The following SH3RF3 variants were observed in gnomAD, a reference collection of about 807,000 sequenced individuals.
The protein encoded by SH3RF3 is SH3 domain containing ring finger 3, also known as E3 ubiquitin-protein ligase SH3RF3.
SH3RF3 carries 29 observed loss-of-function variants against 66.3 expected under a neutral mutation model. The ratio of observed to expected loss-of-function variants is 0.44; its 90% CI spans 0.33 to 0.60. SH3RF3 has a LOEUF of 0.60. Among genes scored for constraint, SH3RF3 ranks in the 20% least tolerant of loss-of-function variants. The probability of loss-of-function intolerance (pLI) is 0.04; values close to 1 mark genes in which losing one functional copy is unlikely to be tolerated. For missense variants in SH3RF3, 1,194 were observed against 1,190.9 expected (o/e 1.00, Z -0.04); for synonymous variants, 583 against 532.0 (o/e 1.10, Z -1.32).
At chr2:109,266,766 A>C (rs566377706) in intron 1 of SH3RF3, among the ~76,000 whole-genome samples, 8 of 152,118 alleles carry the variant, frequency 5.3e-5, no homozygotes, top group Non-Finnish European at 5.9e-5. Flanking sequence ...AACAAGAGAC[A>C]GGGGTGAGCG....
chr2:109,168,880 T>A (rs954839451), intron 1 of SH3RF3, among the ~76,000 whole-genome samples: 27 of 152,252 alleles, frequency 1.8e-4, no homozygotes, highest in Non-Finnish European at 2.8e-4. Flanking sequence ...GAACGCTGCA[T>A]GCTGGCCTGT....
chr2:109,320,257 G>A (rs968601763), intron 1 of SH3RF3, among the ~76,000 whole-genome samples: 2 of 152,256 alleles, frequency 1.3e-5, no homozygotes, highest in African/African-American at 2.4e-5. Flanking sequence ...AGAGGAGGGC[G>A]GTGGGAATGA....
At chr2:109,450,453 C>T (rs1677836052) in intron 8 of SH3RF3, among the ~76,000 whole-genome samples, 1 of 152,150 alleles carries the variant, frequency 6.6e-6, no homozygotes, top group Non-Finnish European at 1.5e-5. Context: ...ACTTCTAAAT[C>T]AGTGCTGTCC....
chr2:109,329,122 G>T (rs947486546), intron 1 of SH3RF3, among the ~76,000 whole-genome samples: 6 of 152,106 alleles, frequency 3.9e-5, no homozygotes, highest in Admixed American at 2.6e-4. Flanking sequence ...ATCTCCAAAT[G>T]TTCCCCTCTC....
Position 109,129,474 on chromosome 2 carries a change from G to C in SH3RF3, c.-67G>C. 8 of 1,493,508 alleles carry C rather than the reference G, an allele frequency of 5.4e-6. No individual in the cohort carries two copies. Among genetic ancestry groups the C allele is most frequent in the Non-Finnish European group, 7.1e-6 (8 of 1,127,426 alleles). The allele number at this position is 1,493,508 out of a possible 1,614,324, so 92.5% of individuals were successfully genotyped here. ...CTCCCCAGTCCTGATGCTGGCTGCC[G>C]GTGGCGGGCTCCACGCCGGCCCCGG... On this transcript the variant is annotated 5_prime_UTR_variant, in exon 1 of 10. Coordinates refer to ENST00000309415, the MANE Select transcript of SH3RF3 (RefSeq NM_001099289.3).
intron 8 of SH3RF3, among the ~76,000 whole-genome samples, chr2:109,461,203 T>C (rs1254030418): frequency 6.6e-6 from 1 of 152,248 alleles, no homozygotes; most frequent in African/African-American, 2.4e-5. Flanking sequence ...CCCAGCTTTA[T>C]GCTTGGTGGG....
At chr2:109,203,607 C>G (rs1431377161) in intron 1 of SH3RF3, among the ~76,000 whole-genome samples, 1 of 152,140 alleles carries the variant, frequency 6.6e-6, no homozygotes, top group Non-Finnish European at 1.5e-5. Context: ...CTCCACTTTC[C>G]CTTTGCACGA....
rs114433428 is a variant in SH3RF3 at position 109,355,304 on chromosome 2, G to T, written c.849+7355G>T. Among the ~76,000 whole-genome samples, 1,185 of 152,296 alleles carry T rather than the reference G, an allele frequency of 7.8e-3. 16 individuals carry two copies. Among genetic ancestry groups the T allele is most frequent in the African/African-American group, 0.027 (1,132 of 41,568 alleles). Reference sequence around the variant, plus strand: ...CTTGAATGCTGGCATATTGGCCCAGGAACTTGTCTGCTTCATCTGACTCTT... The same window carrying T: ...CTTGAATGCTGGCATATTGGCCCAGTAACTTGTCTGCTTCATCTGACTCTT... On this transcript the variant is annotated intron_variant, in intron 2 of 9. Transcript: ENST00000309415.
chr2:109,280,340 C>A (rs1459424528), intron 1 of SH3RF3, among the ~76,000 whole-genome samples: 2 of 152,200 alleles, frequency 1.3e-5, no homozygotes, highest in African/African-American at 4.8e-5. Context: ...GCCCCACAGC[C>A]AGCCAGTGGC....
At chr2:109,353,992 T>G (rs1682894145) in intron 2 of SH3RF3, among the ~76,000 whole-genome samples, 1 of 152,024 alleles carries the variant, frequency 6.6e-6, no homozygotes, top group Admixed American at 6.5e-5. Flanking sequence ...CCCCCCGAAG[T>G]CTCAGTGACA....
intron 2 of SH3RF3, among the ~76,000 whole-genome samples, chr2:109,369,340 T>C (rs1025128412): frequency 6.6e-6 from 1 of 152,052 alleles, no homozygotes; most frequent in East Asian, 1.9e-4. Context: ...AGCACAAGAC[T>C]CCGTCTAAAA....
rs1676211620 is a variant in SH3RF3 at position 109,398,463 on chromosome 2, C to T, written c.946-127C>T. ...CCCACCAGCCTCTTCTGTGTTTTCC[C>T]TGCAGTCTGACGGATTTGAATGCAT... On this transcript the variant is annotated intron_variant, in intron 3 of 9. Transcript: ENST00000309415. 4.6e-6 allele frequency: 4 copies of T among 873,996 alleles called. No individual in the cohort carries two copies. In the African/African-American group the frequency reaches 5.0e-5, roughly 11 times the overall value. 54.1% of individuals were successfully genotyped at this position (873,996 alleles called of 1,614,324 possible).
At chr2:109,343,605 C>T (rs1029922870) in intron 1 of SH3RF3, among the ~76,000 whole-genome samples, 7 of 152,134 alleles carry the variant, frequency 4.6e-5, no homozygotes, top group Admixed American at 2.0e-4. Context: ...TTGCTTGCTC[C>T]GAGAATCATG....
intron 1 of SH3RF3, among the ~76,000 whole-genome samples, chr2:109,145,344 G>A (rs752244599): frequency 3.9e-5 from 6 of 152,180 alleles, no homozygotes; most frequent in Non-Finnish European, 8.8e-5. Flanking sequence ...CAGGTTTGCA[G>A]TCCCATGGCC....
chr2:109,150,136 G>C (rs1677196769), intron 1 of SH3RF3, among the ~76,000 whole-genome samples: 1 of 152,218 alleles, frequency 6.6e-6, no homozygotes, highest in Non-Finnish European at 1.5e-5. Context: ...AGGTGGTGTA[G>C]AGGAAGTGGT....
At chr2:109,299,711 GA>G (rs1681410640) in intron 1 of SH3RF3, among the ~76,000 whole-genome samples, 1 of 152,170 alleles carries the variant, frequency 6.6e-6, no homozygotes, top group Non-Finnish European at 1.5e-5. Flanking sequence ...TAATCAGGGG[GA>G]TAAAGAAAGA....
intron 1 of SH3RF3, among the ~76,000 whole-genome samples, chr2:109,187,793 G>A (rs564570166): frequency 5.3e-5 from 8 of 152,304 alleles, no homozygotes; most frequent in African/African-American, 1.2e-4. Context: ...GCTTGCTTCC[G>A]ACTTCCCTCT....
At chr2:109,428,960 C>T (rs1464766019) in intron 5 of SH3RF3, among the ~76,000 whole-genome samples, 1 of 152,196 alleles carries the variant, frequency 6.6e-6, no homozygotes, top group East Asian at 1.9e-4. Flanking sequence ...TGGCTCGCCA[C>T]TGAGTGCAGG....
intron 3 of SH3RF3, among the ~76,000 whole-genome samples, chr2:109,395,101 GTT>G (rs1220546366): frequency 6.6e-6 from 1 of 152,262 alleles, no homozygotes; most frequent in Non-Finnish European, 1.5e-5. Context: ...CAGATGGAGA[GTT>G]TTGCCCCAGG....
Sources: allele counts gnomAD v4.1 joint callset (sites outside exome capture counted in the v4.1 genomes callset), GRCh38; gene constraint gnomAD v4.1.1; transcripts MANE v1.5; gene names NCBI Gene and HGNC (gene_info 2026-07-23, HGNC 2026-07-21).